KCNJ6: variants seen among roughly 807,000 people sequenced by gnomAD.
The protein encoded by KCNJ6 is G protein-activated inward rectifier potassium channel 2.
Under a neutral mutation model 34.2 loss-of-function variants are expected in KCNJ6, and 9 were observed. The ratio of observed to expected loss-of-function variants is 0.26; its 90% CI spans 0.16 to 0.46. The LOEUF is 0.46. KCNJ6 is among the 20% of genes least tolerant of loss of function. The probability of loss-of-function intolerance (pLI) is 1.00; values close to 1 mark genes in which losing one functional copy is unlikely to be tolerated. For missense variants in KCNJ6, 236 were observed against 531.3 expected, an observed-to-expected ratio of 0.44 and a Z score of 5.46; for synonymous variants, 196 against 207.1, an observed-to-expected ratio of 0.95 and a Z score of 0.46.
intron 3 of KCNJ6, among the ~76,000 whole-genome samples, chr21:37,637,492 T>A (rs1360643910): frequency 6.6e-6 from 1 of 152,226 alleles, no homozygotes; most frequent in Non-Finnish European, 1.5e-5. Context: ...TTGAATTAAG[T>A]AAGAAATGTT....
At chr21:37,720,810 C>T (rs1000400638) in intron 2 of KCNJ6, among the ~76,000 whole-genome samples, 2 of 151,466 alleles carry the variant, frequency 1.3e-5, no homozygotes, top group African/African-American at 4.9e-5. Flanking sequence ...CGGGTTCACG[C>T]CATTCTCCTG....
chr21:37,698,698 A>AT (rs112756247), intron 3 of KCNJ6, among the ~76,000 whole-genome samples: 46,345 of 140,468 alleles, frequency 0.33, 7,896 homozygotes, highest in East Asian at 0.43. Flanking sequence ...TGCCCAGGTA[A>AT]TTTTTTTTTT....
At chr21:37,635,641 C>G (rs1311890612) in intron 3 of KCNJ6, among the ~76,000 whole-genome samples, 2 of 152,110 alleles carry the variant, frequency 1.3e-5, no homozygotes, top group Admixed American at 1.3e-4. Context: ...CTTCAGCCTC[C>G]TGAGTAGCTG....
intron 1 of KCNJ6, among the ~76,000 whole-genome samples, chr21:37,905,344 C>T (rs1015564812): frequency 7.2e-5 from 11 of 152,212 alleles, no homozygotes; most frequent in African/African-American, 2.7e-4. Flanking sequence ...AAAGCAGTCA[C>T]TTTTCCAAGA....
At chr21:37,652,326 T>A (rs532862674) in intron 3 of KCNJ6, among the ~76,000 whole-genome samples, 14 of 152,170 alleles carry the variant, frequency 9.2e-5, no homozygotes, top group Admixed American at 2.0e-4. Flanking sequence ...GCAGGGGATG[T>A]TTCAGCAGAA....
intron 3 of KCNJ6, among the ~76,000 whole-genome samples, chr21:37,673,569 C>T (rs2054551343): frequency 6.6e-6 from 1 of 152,200 alleles, no homozygotes; most frequent in African/African-American, 2.4e-5. Flanking sequence ...GTGTTGTGTC[C>T]AACTCACTCA....
chr21:37,764,819 G>A (rs1344421929), intron 2 of KCNJ6, among the ~76,000 whole-genome samples: 2 of 152,208 alleles, frequency 1.3e-5, no homozygotes, highest in African/African-American at 4.8e-5. Context: ...TGCTGCAACT[G>A]AGGGGAGAAT....
rs2054255235 is a variant in KCNJ6 at position 37,614,486 on chromosome 21, C to CTGCGTGTGTGTGTATGCATGTGTT, written c.*10672_*10673insAACACATGCATACACACACACGCA. 1 of 98,966 alleles carries CTGCGTGTGTGTGTATGCATGTGTT rather than the reference C, an allele frequency of 1.0e-5. No individual in the cohort carries two copies. The highest frequency in any genetic ancestry group is 4.9e-5 in the African/African-American group (1 of 20,220). 6.1% of individuals were successfully genotyped at this position (98,966 alleles called of 1,614,324 possible). A position where few individuals can be genotyped will look rare whatever the true frequency, so the allele number is the denominator to read the frequency against. On this transcript the variant is annotated 3_prime_UTR_variant, in exon 4 of 4. Transcript: ENST00000609713. ...TCTGCGTGTGTGTGTATGCATGTGTCTGTGTGCGTGTATGCATGTGTCTCT... is the reference window on the plus strand; with the variant it reads ...TCTGCGTGTGTGTGTATGCATGTGTCTGCGTGTGTGTGTATGCATGTGTTTGTGTGCGTGTATGCATGTGTCTCT...
At chr21:37,688,294 G>A (rs1469783144) in intron 3 of KCNJ6, among the ~76,000 whole-genome samples, 2 of 152,106 alleles carry the variant, frequency 1.3e-5, no homozygotes, top group South Asian at 2.1e-4. Flanking sequence ...GACATTTTTA[G>A]ATGTTTGAAC....
intron 3 of KCNJ6, among the ~76,000 whole-genome samples, chr21:37,670,628 G>T (rs2054537096): frequency 6.6e-6 from 1 of 152,190 alleles, no homozygotes. Context: ...AGCTGGGCAT[G>T]GTGGTGCATG....
At chr21:37,879,094 G>A (rs912004774) in intron 1 of KCNJ6, among the ~76,000 whole-genome samples, 4 of 152,278 alleles carry the variant, frequency 2.6e-5, no homozygotes, top group East Asian at 1.9e-4. Flanking sequence ...TGCAACAGAC[G>A]GTGATCTTGC....
At chr21:37,790,914 A>T (rs887082354) in intron 2 of KCNJ6, among the ~76,000 whole-genome samples, 1 of 152,190 alleles carries the variant, frequency 6.6e-6, no homozygotes, top group African/African-American at 2.4e-5. Context: ...TACCTCATCC[A>T]AGGGCTCCAC....
intron 3 of KCNJ6, among the ~76,000 whole-genome samples, chr21:37,694,804 T>C (rs372247057): frequency 6.6e-6 from 1 of 152,200 alleles, no homozygotes; most frequent in South Asian, 2.1e-4. Context: ...CTCATTGTAT[T>C]GTATCAGGTG....
At chr21:37,805,632 A>G (rs1412128574) in intron 2 of KCNJ6, among the ~76,000 whole-genome samples, 1 of 152,122 alleles carries the variant, frequency 6.6e-6, no homozygotes, top group Non-Finnish European at 1.5e-5. Context: ...ATTTGAAATA[A>G]GGCATTTGCA....
Position 37,614,560 on chromosome 21 carries a change from GTGTGTGTATGCA to G in KCNJ6, c.*10587_*10598del. ...TCTGTGTATGCGTGTGTGTGTATGC[GTGTGTGTATGCA>G]TGTGTCTCTGTATGCATGTGTGTGT... is the stretch of plus-strand genomic sequence containing the variant. On this transcript the variant is annotated 3_prime_UTR_variant, in exon 4 of 4. Coordinates refer to ENST00000609713, the MANE Select transcript of KCNJ6 (RefSeq NM_002240.5). 1 of 146,406 alleles carries G rather than the reference GTGTGTGTATGCA, an allele frequency of 6.8e-6. No homozygotes were observed. Among genetic ancestry groups the G allele is most frequent in the East Asian group, 2.0e-4 (1 of 4,936 alleles). 9.1% of individuals were successfully genotyped at this position (146,406 alleles called of 1,614,324 possible). A position where few individuals can be genotyped will look rare whatever the true frequency, so the allele number is the denominator to read the frequency against.
chr21:37,840,559 G>A, intron 2 of KCNJ6, 99 bp downstream of exon 2: 1 of 785,400 alleles, frequency 1.3e-6, no homozygotes, highest in East Asian at 2.5e-5. Context: ...GAGCAAAAGA[G>A]AAGGACAAAT....
At chr21:37,860,776 C>T (rs1376627165) in intron 1 of KCNJ6, among the ~76,000 whole-genome samples, 1 of 152,196 alleles carries the variant, frequency 6.6e-6, no homozygotes, top group Non-Finnish European at 1.5e-5. Flanking sequence ...TCTTCCAAGG[C>T]CTTCCCTGAC....
intron 1 of KCNJ6, among the ~76,000 whole-genome samples, chr21:37,851,585 GTTAGGTA>G (rs1307095190): frequency 6.6e-6 from 1 of 152,158 alleles, no homozygotes; most frequent in African/African-American, 2.4e-5. Flanking sequence ...TGACCCCTTT[GTTAGGTA>G]TCTAATAATT....
chr21:37,827,820 C>T (rs991157887), intron 2 of KCNJ6, among the ~76,000 whole-genome samples: 1 of 152,084 alleles, frequency 6.6e-6, no homozygotes, highest in Non-Finnish European at 1.5e-5. Context: ...TAATCAAATG[C>T]AGTTATACAT....
Sources: gnomAD v4.1 joint callset for allele counts (sites outside exome capture counted in the v4.1 genomes callset) on GRCh38, gnomAD v4.1.1 for gene constraint, MANE v1.5 for transcripts, NCBI Gene and HGNC (gene_info 2026-07-23, HGNC 2026-07-21) for gene names.